Variants in ATP8B4 observed in about 807,000 individuals in gnomAD.
ATP8B4 encodes probable phospholipid-transporting ATPase IM.
A neutral mutation model predicts 145.6 loss-of-function variants in ATP8B4; 133 were observed. The ratio of observed to expected loss-of-function variants is 0.91; its 90% CI spans 0.79 to 1.05. The LOEUF is 1.05. ATP8B4 is among the 50% of genes least tolerant of loss of function. The probability of loss-of-function intolerance (pLI) is 0.00; values close to 1 mark genes in which losing one functional copy is unlikely to be tolerated. For missense variants in ATP8B4, 1,458 were observed against 1,425.2 expected, an observed-to-expected ratio of 1.02 and a Z score of -0.37; for synonymous variants, 507 against 492.9, an observed-to-expected ratio of 1.03 and a Z score of -0.38.
chr15:50,056,061 G>A (rs1046102881), intron 3 of ATP8B4, among the ~76,000 whole-genome samples: 2 of 152,026 alleles, frequency 1.3e-5, no homozygotes, highest in African/African-American at 4.8e-5. Flanking sequence ...AAGAGGCTTT[G>A]CAGAGTGTGT....
At chr15:49,966,454 C>T (rs553528755) in intron 13 of ATP8B4, among the ~76,000 whole-genome samples, 26 of 152,262 alleles carry the variant, frequency 1.7e-4, no homozygotes, top group Admixed American at 5.2e-4. Flanking sequence ...TCCACCATTA[C>T]GGAGGCTTGA....
At chr15:49,903,065 G>C (rs910955616) in intron 20 of ATP8B4, among the ~76,000 whole-genome samples, 3 of 152,144 alleles carry the variant, frequency 2.0e-5, no homozygotes, top group East Asian at 3.9e-4. Context: ...AGGCAGAAAA[G>C]GGACAGTTTT....
At chr15:50,063,125 C>A (rs2053146209) in intron 3 of ATP8B4, among the ~76,000 whole-genome samples, 1 of 150,960 alleles carries the variant, frequency 6.6e-6, no homozygotes, top group East Asian at 1.9e-4. Flanking sequence ...AGACAGAGAG[C>A]AATATTACTA....
chr15:50,034,847 G>A (rs2050718141), intron 6 of ATP8B4, among the ~76,000 whole-genome samples: 1 of 152,134 alleles, frequency 6.6e-6, no homozygotes, highest in Admixed American at 6.5e-5. Context: ...TCCCACGGTG[G>A]CCAGGAATAG....
At chr15:50,098,951 C>T (rs933122921) in intron 2 of ATP8B4, among the ~76,000 whole-genome samples, 1 of 152,122 alleles carries the variant, frequency 6.6e-6, no homozygotes, top group Non-Finnish European at 1.5e-5. Flanking sequence ...TTTATACTGA[C>T]ATATTCATCA....
intron 2 of ATP8B4, among the ~76,000 whole-genome samples, chr15:50,081,506 C>T (rs1174950578): frequency 6.6e-6 from 1 of 152,156 alleles, no homozygotes; most frequent in Non-Finnish European, 1.5e-5. Context: ...TCCAGGTCCT[C>T]AAAGGCAACA....
At chr15:50,031,519 A>G (rs1405347932) in intron 6 of ATP8B4, among the ~76,000 whole-genome samples, 2 of 152,210 alleles carry the variant, frequency 1.3e-5, no homozygotes, top group Non-Finnish European at 2.9e-5. Context: ...ACACACAGAC[A>G]CACTAAATGT....
intron 1 of ATP8B4, among the ~76,000 whole-genome samples, chr15:50,158,074 T>A (rs1205882722): frequency 1.3e-5 from 2 of 152,212 alleles, no homozygotes; most frequent in South Asian, 2.1e-4. Flanking sequence ...GTGCCCAGGC[T>A]GGAGTGCAGT....
intron 2 of ATP8B4, among the ~76,000 whole-genome samples, chr15:50,103,295 A>C (rs956391603): frequency 3.9e-5 from 6 of 152,296 alleles, no homozygotes; most frequent in African/African-American, 1.4e-4. Context: ...GTAAAGAGGA[A>C]GTCAAACTGT....
intron 1 of ATP8B4, among the ~76,000 whole-genome samples, chr15:50,151,599 A>ATT (rs2153680839): frequency 1.3e-5 from 2 of 152,308 alleles, no homozygotes; most frequent in African/African-American, 4.8e-5. Flanking sequence ...AAAAATTTTA[A>ATT]AAGTAGCTTG....
At chr15:50,169,435 T>C (rs2044639632) in intron 1 of ATP8B4, among the ~76,000 whole-genome samples, 1 of 152,040 alleles carries the variant, frequency 6.6e-6, no homozygotes, top group Non-Finnish European at 1.5e-5. Context: ...CAGAAAACAA[T>C]CACTGCAGTT....
chr15:49,888,131 G>A (rs2036412100), intron 23 of ATP8B4, among the ~76,000 whole-genome samples: 1 of 152,156 alleles, frequency 6.6e-6, no homozygotes, highest in Non-Finnish European at 1.5e-5. Context: ...TTATTGATTT[G>A]TGTAATTAGT....
chr15:50,047,567 C>T (rs1165626556), intron 3 of ATP8B4, 103 bp from the exon 4 acceptor site: 7 of 742,162 alleles, frequency 9.4e-6, no homozygotes, highest in Admixed American at 5.2e-5. Context: ...AAAGATAAGC[C>T]GGTTATCTAG....
At chr15:50,143,020 G>T (rs776322411) in intron 1 of ATP8B4, among the ~76,000 whole-genome samples, 1 of 152,230 alleles carries the variant, frequency 6.6e-6, no homozygotes, top group African/African-American at 2.4e-5. Flanking sequence ...CTGAAGACCT[G>T]GAGATGCCAG....
chr15:50,067,110 A>G (rs2053436328), intron 3 of ATP8B4, among the ~76,000 whole-genome samples: 1 of 152,046 alleles, frequency 6.6e-6, no homozygotes, highest in South Asian at 2.1e-4. Flanking sequence ...AGCAAGTTCC[A>G]TCACTGCTTA....
intron 1 of ATP8B4, among the ~76,000 whole-genome samples, chr15:50,175,208 G>T (rs546000815): frequency 6.6e-6 from 1 of 152,076 alleles, no homozygotes; most frequent in African/African-American, 2.4e-5. Context: ...ACATAACATT[G>T]GAAAAACCCT....
intron 14 of ATP8B4, among the ~76,000 whole-genome samples, chr15:49,949,093 A>C (rs1048971411): frequency 3.3e-5 from 5 of 152,178 alleles, no homozygotes; most frequent in Non-Finnish European, 7.4e-5. Flanking sequence ...GTTTGAAGTC[A>C]GGTAGCATGA....
chr15:49,991,648 T>C (rs2047054913), intron 9 of ATP8B4, among the ~76,000 whole-genome samples: 1 of 152,158 alleles, frequency 6.6e-6, no homozygotes, highest in Non-Finnish European at 1.5e-5. Flanking sequence ...TTTTTTCTGA[T>C]GTTTGAAATG....
At chr15:50,054,643 G>C (rs1038831376) in intron 3 of ATP8B4, among the ~76,000 whole-genome samples, 1 of 151,854 alleles carries the variant, frequency 6.6e-6, no homozygotes, top group Non-Finnish European at 1.5e-5. Context: ...AATTGGCCGT[G>C]TGTGGTGGCA....
Sources: allele counts gnomAD v4.1 joint callset (sites outside exome capture counted in the v4.1 genomes callset), GRCh38; gene constraint gnomAD v4.1.1; transcripts MANE v1.5; gene names NCBI Gene and HGNC (gene_info 2026-07-23, HGNC 2026-07-21).